Variants in EPHA10 observed in about 807,000 individuals in gnomAD.
The protein encoded by EPHA10 is EPH receptor A10.
EPHA10 carries 120 observed loss-of-function variants against 109.7 expected under a neutral mutation model. The observed-to-expected ratio is 1.09, with a 90% CI of 0.94 to 1.27. The LOEUF (loss-of-function observed/expected upper bound fraction) is 1.27. EPHA10 is among the 50% of genes most tolerant of loss of function. EPHA10 has a pLI of 0.00. For missense variants in EPHA10, 1,396 were observed against 1,411.1 expected (o/e 0.99, Z 0.17); for synonymous variants, 640 against 618.9 (o/e 1.03, Z -0.51).
At chr1:37,753,892 G>GC (rs1646368179) in intron 4 of EPHA10, among the ~76,000 whole-genome samples, 1 of 152,070 alleles carries the variant, frequency 6.6e-6, no homozygotes, top group African/African-American at 2.4e-5. Context: ...AAGGTCGGGA[G>GC]CCCCCCTTTC....
intron 3 of EPHA10, among the ~76,000 whole-genome samples, chr1:37,758,419 A>T (rs983054923): frequency 6.6e-6 from 1 of 152,050 alleles, no homozygotes; most frequent in Non-Finnish European, 1.5e-5. Flanking sequence ...AAGCTCTTCA[A>T]CTTCCTTTAT....
At position 37,720,000 on chromosome 1, in the gene EPHA10, C is replaced by G. The variant is rs766327882; in HGVS notation, c.2471G>C (p.Ser824Thr). ...APETLQFGHF[S>T]SASDVWSFGI... The stretch of plus-strand genomic sequence containing the variant: ...GAAGCTCCACACGTCACTGGCAGAG[C>G]TGAAGTGGCCAAACTGAAGTGTCTC... The change falls in exon 14 of 17, where the codon AGC (serine) becomes ACC (threonine). Residue 824 changes from serine to threonine, a missense_variant. Ser to Thr is a moderately conservative substitution (Grantham distance 58). Coordinates refer to ENST00000373048, the MANE Select transcript of EPHA10 (RefSeq NM_001099439.2). 1.2e-6 allele frequency: 2 copies of G among 1,614,060 alleles called. No individual in the cohort carries two copies. The highest frequency in any genetic ancestry group is 2.2e-5 in the South Asian group (2 of 91,086).
At chr1:37,723,461 T>A in intron 8 of EPHA10, 89 bp from the exon 9 acceptor site, 1 of 1,456,076 alleles carries the variant, frequency 6.9e-7, no homozygotes, top group Non-Finnish European at 9.4e-7. Flanking sequence ...CTTTGTCCCT[T>A]CAAAAGACAA....
intron 5 of EPHA10, among the ~76,000 whole-genome samples, chr1:37,748,918 C>CTTTTTTTTTTTTTTT (rs55656984): frequency 5.2e-5 from 5 of 95,304 alleles, no homozygotes; most frequent in Non-Finnish European, 9.7e-5. Context: ...TTCTTTTCAT[C>CTTTTTTTTTTTTTTT]TTTTTTTTTT....
intron 5 of EPHA10, among the ~76,000 whole-genome samples, chr1:37,748,924 T>C (rs1201865916): frequency 7.2e-6 from 1 of 138,260 alleles, no homozygotes; most frequent in Non-Finnish European, 1.6e-5. Context: ...TCATCTTTTT[T>C]TTTTTTTTTT....
At chr1:37,720,738 G>T in intron 12 of EPHA10, 45 bp downstream of exon 12, 1 of 1,606,058 alleles carries the variant, frequency 6.2e-7, no homozygotes, top group Non-Finnish European at 8.5e-7. Context: ...ACCCCTGCCC[G>T]CTTTACAGAA....
intron 2 of EPHA10, 82 bp from the exon 3 acceptor site, chr1:37,762,165 C>G (rs1234970089): frequency 3.8e-6 from 5 of 1,330,424 alleles, no homozygotes; most frequent in Non-Finnish European, 5.2e-6. Context: ...CTCCTGCTTT[C>G]TCTCTCATGC....
Position 37,735,323 on chromosome 1 carries a change from C to T in EPHA10, c.1425G>A (p.Arg475=). Residue 475 remains arginine, a synonymous_variant, in exon 6 of 17, where the codon CGG becomes CGA. Coordinates refer to ENST00000373048, the MANE Select transcript of EPHA10 (RefSeq NM_001099439.2). ...VEPQSVSLSW[R]EPIPAGAPGA... is the part of the protein sequence containing the mutation. ...CAGGGGCTCCGGCAGGGATGGGCTC[C>T]CGCCACGACAGGGACACGCTCTGGG... 1 of 1,570,512 alleles carries T rather than the reference C, an allele frequency of 6.4e-7. No individual in the cohort carries two copies. The highest frequency in any genetic ancestry group is 8.6e-7 in the Non-Finnish European group (1 of 1,157,708).
Position 37,753,230 on chromosome 1 carries a change from A to G in EPHA10, c.1007-4T>C. On this transcript the variant is annotated splice_region_variant and splice_polypyrimidine_tract_variant and intron_variant, in intron 4 of 16. Coordinates refer to ENST00000373048, the MANE Select transcript of EPHA10 (RefSeq NM_001099439.2). ...TCCCGCGGCGCCGACGGCGGCCCTG[A>G]GGCGGCACAGGGGCGGGGCGGTCAG... 2.8e-6 allele frequency: 3 copies of G among 1,084,738 alleles called. No homozygotes were observed. Among genetic ancestry groups the G allele is most frequent in the Admixed American group, 7.7e-5 (1 of 13,044 alleles). The allele number at this position is 1,084,738 out of a possible 1,614,324, so 67.2% of individuals were successfully genotyped here.
chr1:37,754,330 G>T lies in EPHA10; in HGVS notation c.891C>A (p.Pro297=). 1.5e-6 allele frequency: 2 copies of T among 1,312,344 alleles called. No individual in the cohort carries two copies. Among genetic ancestry groups the T allele is most frequent in the Non-Finnish European group, 2.0e-6 (2 of 1,024,734 alleles). The allele number at this position is 1,312,344 out of a possible 1,614,324, so 81.3% of individuals were successfully genotyped here. The change falls in exon 4 of 17, where the codon CCC becomes CCA. Residue 297 remains proline, a synonymous_variant. Coordinates refer to ENST00000373048, the MANE Select transcript of EPHA10 (RefSeq NM_001099439.2). The surrounding 1 kb of genome is among the most constrained non-coding windows in gnomAD (Gnocchi z 4.5). ...PGFYKVSPRR[P]LCSPCPEHSR... ...TGTGCTCTGGGCACGGTGAGCAGAG[G>T]GGCCGCCGCGGGGACACCTTGTAAA...
chr1:37,752,853 G>A (rs1324588006), intron 5 of EPHA10, 23 bp downstream of exon 5: 3 of 1,254,106 alleles, frequency 2.4e-6, no homozygotes, highest in African/African-American at 3.1e-5. Flanking sequence ...TGGCCTCGGG[G>A]TGGGGGGCGC....
chr1:37,727,348 C>T (rs549602292), intron 7 of EPHA10, 138 bp from the exon 8 acceptor site: 21 of 632,088 alleles, frequency 3.3e-5, no homozygotes, highest in South Asian at 1.8e-4. Context: ...GCCACAGAGG[C>T]GCCAAGGCAG....
chr1:37,723,261 G>A, intron 9 of EPHA10, 50 bp downstream of exon 9: 1 of 1,609,866 alleles, frequency 6.2e-7, no homozygotes, highest in South Asian at 1.1e-5. Context: ...GGGCTGAGGA[G>A]TGAGGCAGGG....
chr1:37,741,711 A>AAT (rs892967238), intron 5 of EPHA10, among the ~76,000 whole-genome samples: 1 of 152,068 alleles, frequency 6.6e-6, no homozygotes, highest in African/African-American at 2.4e-5. Flanking sequence ...CCATTCTAAA[A>AAT]ATAACTCAAA....
At chr1:37,747,401 A>G (rs1458187495) in intron 5 of EPHA10, among the ~76,000 whole-genome samples, 1 of 152,070 alleles carries the variant, frequency 6.6e-6, no homozygotes, top group Non-Finnish European at 1.5e-5. Flanking sequence ...AAAACACAAC[A>G]TTAGCCAGGC....
At chr1:37,721,526 G>A (rs1344869221) in intron 11 of EPHA10, 134 bp downstream of exon 11, 6 of 908,714 alleles carry the variant, frequency 6.6e-6, no homozygotes, top group African/African-American at 1.8e-5. Context: ...TGAAAGCTGA[G>A]GTCCCTGGCT....
Position 37,717,099 on chromosome 1 carries a change from C to T in EPHA10, c.*1273G>A, listed in dbSNP as rs972582696. ...CGGGCGGCCTAAACAAACTCAGTCC[C>T]TGTGGCCCTGCTGAGATCCAGCTGC... On this transcript the variant is annotated 3_prime_UTR_variant, in exon 17 of 17. Transcript: ENST00000373048. 2.1e-5 allele frequency: 5 copies of T among 232,758 alleles called. No individual in the cohort carries two copies. Among genetic ancestry groups the T allele is most frequent in the Non-Finnish European group, 4.2e-5 (5 of 117,816 alleles). The allele number at this position is 232,758 out of a possible 1,614,324, so 14.4% of individuals were successfully genotyped here. A position where few individuals can be genotyped will look rare whatever the true frequency, so the allele number is the denominator to read the frequency against.
At chr1:37,748,918 C>CTTTTTTTTTTTTTTTTTTTTTTTTTTTTT (rs55656984) in intron 5 of EPHA10, among the ~76,000 whole-genome samples, 2 of 95,306 alleles carry the variant, frequency 2.1e-5, no homozygotes, top group Non-Finnish European at 1.9e-5. Flanking sequence ...TTCTTTTCAT[C>CTTTTTTTTTTTTTTTTTTTTTTTTTTTTT]TTTTTTTTTT....
intron 5 of EPHA10, among the ~76,000 whole-genome samples, chr1:37,746,510 T>C (rs935834376): frequency 2.6e-5 from 4 of 152,198 alleles, no homozygotes; most frequent in African/African-American, 9.7e-5. Context: ...TATAGTCACA[T>C]TGGGGTTTAG....
Sources: allele counts gnomAD v4.1 joint callset (sites outside exome capture counted in the v4.1 genomes callset), GRCh38; gene constraint gnomAD v4.1.1; non-coding constraint Gnocchi (gnomAD v3.1); transcripts MANE v1.5; gene names NCBI Gene and HGNC (gene_info 2026-07-23, HGNC 2026-07-21).